Variants in ELF1 observed in about 807,000 individuals in gnomAD.
ELF1 encodes the protein E74 like ETS transcription factor 1.
In ELF1, 24 loss-of-function variants were observed where a neutral mutation model predicts 59.9. The ratio of observed to expected loss-of-function variants is 0.40; its 90% confidence interval spans 0.29 to 0.56. ELF1 has a LOEUF of 0.56. ELF1 is among the 20% of genes least tolerant of loss of function. ELF1 has a pLI of 0.44. For synonymous variants in ELF1, 248 were observed against 266.2 expected (o/e 0.93, Z 0.67); for missense variants, 627 against 742.2 (o/e 0.84, Z 1.80).
At chr13:40,944,985 A>G (rs529842362) in intron 5 of ELF1, among the ~76,000 whole-genome samples, 6 of 152,180 alleles carry the variant, frequency 3.9e-5, no homozygotes, top group Non-Finnish European at 8.8e-5. Context: ...AAGTGTCAAA[A>G]AGCCCGCTCT....
chr13:40,948,257 G>C (rs1870624769), intron 5 of ELF1, among the ~76,000 whole-genome samples: 1 of 152,212 alleles, frequency 6.6e-6, no homozygotes, highest in Non-Finnish European at 1.5e-5. Flanking sequence ...AATTAAACCA[G>C]AATTTCTCCA....
At chr13:40,962,263 TTTAA>T (rs1871873587) in intron 2 of ELF1, among the ~76,000 whole-genome samples, 1 of 152,220 alleles carries the variant, frequency 6.6e-6, no homozygotes, top group Non-Finnish European at 1.5e-5. Flanking sequence ...TCAGTTTAAA[TTTAA>T]TAATTTTTAA....
At chr13:40,987,601 A>AAG (rs1555276300) in intron 1 of ELF1, among the ~76,000 whole-genome samples, 20 of 38,208 alleles carry the variant, frequency 5.2e-4, no homozygotes, top group African/African-American at 8.2e-4. Flanking sequence ...AAAAAAAAAA[A>AAG]AAAGAAAGAA....
chr13:40,997,916 C>T (rs565635417), intron 1 of ELF1, among the ~76,000 whole-genome samples: 27 of 152,098 alleles, frequency 1.8e-4, no homozygotes, highest in African/African-American at 5.8e-4. Context: ...TTTGGGAGGC[C>T]GAGGTGGTCA....
intron 1 of ELF1, among the ~76,000 whole-genome samples, chr13:41,051,547 A>C (rs919013190): frequency 2.6e-5 from 4 of 151,818 alleles, no homozygotes; most frequent in South Asian, 4.2e-4. Flanking sequence ...GAAAATGAAA[A>C]ACACACACAC....
At chr13:40,996,254 G>C (rs1249922760) in intron 1 of ELF1, among the ~76,000 whole-genome samples, 1 of 152,184 alleles carries the variant, frequency 6.6e-6, no homozygotes, top group Non-Finnish European at 1.5e-5. Flanking sequence ...AAGACAGTTT[G>C]GCAGTTTCTT....
At chr13:41,022,907 A>G (rs1275278358), upstream of ELF1, among the ~76,000 whole-genome samples, 1 of 152,152 alleles carries the variant, frequency 6.6e-6, no homozygotes, top group Non-Finnish European at 1.5e-5. Context: ...ACAAATATCC[A>G]AGTTCTGCAC....
chr13:41,005,823 C>T (rs868756566), intron 1 of ELF1, among the ~76,000 whole-genome samples: 3 of 145,486 alleles, frequency 2.1e-5, no homozygotes, highest in Non-Finnish European at 4.7e-5. Context: ...AACTAATAAT[C>T]AATCCTTAAG....
intron 1 of ELF1, among the ~76,000 whole-genome samples, chr13:41,003,293 CAT>C (rs1230414349): frequency 2.6e-5 from 4 of 152,188 alleles, no homozygotes; most frequent in African/African-American, 2.4e-5. Flanking sequence ...CTATTTTCCA[CAT>C]GTCTACCTAA....
intron 8 of ELF1, 68 bp downstream of exon 8, chr13:40,940,853 C>T: frequency 6.8e-7 from 1 of 1,479,486 alleles, no homozygotes; most frequent in Non-Finnish European, 9.1e-7. Flanking sequence ...TCTTGACCCA[C>T]TTAACAAATA....
chr13:41,043,007 A>G (rs1413243038), intron 1 of ELF1, among the ~76,000 whole-genome samples: 8 of 152,270 alleles, frequency 5.3e-5, no homozygotes, highest in South Asian at 2.1e-4. Context: ...TAACTGGTGT[A>G]AGATGGTATC....
At position 40,949,840 on chromosome 13, in the gene ELF1, T is replaced by G; in HGVS notation, c.495A>C (p.Gly165=). Reference sequence around the variant, plus strand: ...TCTTAGGCTGTTCTGGTGATGAGGCTCCCGGTGAGTCTGCATATTTTTCTT... The same window carrying G: ...TCTTAGGCTGTTCTGGTGATGAGGCGCCCGGTGAGTCTGCATATTTTTCTT... The part of the protein sequence containing the change: ...QVQEKYADSP[G]ASSPEQPKRK... Residue 165 remains glycine, a synonymous_variant, in exon 5 of 9, where the codon GGA becomes GGC. Transcript: ENST00000239882. The G allele has an allele frequency of 6.2e-7, 1 of 1,614,136 alleles. No individual in the cohort carries two copies. The highest frequency in any genetic ancestry group is 1.1e-5 in the South Asian group (1 of 91,080).
At chr13:41,005,390 A>G (rs1464899784) in intron 1 of ELF1, among the ~76,000 whole-genome samples, 1 of 150,120 alleles carries the variant, frequency 6.7e-6, no homozygotes, top group Non-Finnish European at 1.5e-5. Context: ...AACTGTTTAC[A>G]TAAGTAACAC....
intron 3 of ELF1, among the ~76,000 whole-genome samples, chr13:40,957,569 TC>T (rs1878776680): frequency 6.6e-6 from 1 of 151,892 alleles, no homozygotes; most frequent in Non-Finnish European, 1.5e-5. Context: ...TGCCTTCTGT[TC>T]CTCCTGCTCC....
At chr13:41,005,887 C>T (rs960069297) in intron 1 of ELF1, among the ~76,000 whole-genome samples, 2 of 152,138 alleles carry the variant, frequency 1.3e-5, no homozygotes, top group East Asian at 1.9e-4. Context: ...TAAACTTGGG[C>T]AAAATGCAGC....
chr13:40,975,116 A>G (rs1450178351), intron 2 of ELF1, among the ~76,000 whole-genome samples: 2 of 152,226 alleles, frequency 1.3e-5, no homozygotes, highest in African/African-American at 4.8e-5. Context: ...AAGGTAAATA[A>G]CAGAGGATCC....
intron 2 of ELF1, among the ~76,000 whole-genome samples, chr13:40,960,679 C>A (rs1357879295): frequency 6.6e-6 from 1 of 152,164 alleles, no homozygotes; most frequent in African/African-American, 2.4e-5. Flanking sequence ...TTCAAGTGAT[C>A]CTCCCGCATC....
chr13:40,984,246 A>G (rs1372067898), intron 1 of ELF1, among the ~76,000 whole-genome samples: 1 of 152,232 alleles, frequency 6.6e-6, no homozygotes, highest in Non-Finnish European at 1.5e-5. Context: ...AAAAAGGATT[A>G]TATTGATGAC....
At chr13:40,934,178 C>A in intron 8 of ELF1, 150 bp from the exon 9 acceptor site, 1 of 1,071,922 alleles carries the variant, frequency 9.3e-7, no homozygotes, top group Non-Finnish European at 1.3e-6. Flanking sequence ...CAATATCATG[C>A]CAGACTTTGT....
Sources: allele counts gnomAD v4.1 joint callset (sites outside exome capture counted in the v4.1 genomes callset), GRCh38; gene constraint gnomAD v4.1.1; transcripts MANE v1.5; gene names NCBI Gene and HGNC (gene_info 2026-07-23, HGNC 2026-07-21).